KDM1B: variants seen among roughly 807,000 people sequenced by gnomAD.
KDM1B encodes lysine demethylase 1B.
KDM1B carries 63 observed loss-of-function variants against 107.4 expected under a neutral mutation model. The ratio of observed to expected loss-of-function variants is 0.59; its 90% confidence interval spans 0.48 to 0.72. The LOEUF (loss-of-function observed/expected upper bound fraction) is 0.72. Ranked by LOEUF, KDM1B falls within the 30% of genes least tolerant of loss-of-function variation. KDM1B has a pLI of 0.00. For missense variants in KDM1B, 749 were observed against 1,020.8 expected (o/e 0.73, Z 3.63); for synonymous variants, 363 against 363.9 (o/e 1.00, Z 0.03).
Position 18,170,011 on chromosome 6 carries a change from C to T in KDM1B, c.418-1352C>T, listed in dbSNP as rs957552313. On this transcript the variant is annotated intron_variant, in intron 6 of 21. Coordinates refer to ENST00000650836, the MANE Select transcript of KDM1B (RefSeq NM_001364614.2). Reference sequence around the variant, plus strand: ...TGCAACCTCCACCTCCCAGTTCAAGCGATTCTCCTGCCTCAGCCTCCTGAG... The same window carrying T: ...TGCAACCTCCACCTCCCAGTTCAAGTGATTCTCCTGCCTCAGCCTCCTGAG... Among the ~76,000 whole-genome samples the T allele has an allele frequency of 5.3e-5, 8 of 151,408 alleles. No individual in the cohort carries two copies. The East Asian group carries it at 5.9e-4, about 11-fold the overall frequency.
In KDM1B at chr6:18,191,229, T is replaced by C; in HGVS notation, c.817T>C (p.Tyr273His). Reference sequence around the variant, plus strand: ...CATGAACCGATACTTCCAGCCTTTCTACCAGCCCAATGAGTGTGGCAAAGC... The same window carrying C: ...CATGAACCGATACTTCCAGCCTTTCCACCAGCCCAATGAGTGTGGCAAAGC... ...PGMNRYFQPF[Y>H]QPNECGKALC... Residue 273 changes from tyrosine (Y) to histidine (H), a missense_variant, in exon 10 of 22, where the codon TAC becomes CAC. Coordinates refer to ENST00000650836, the MANE Select transcript of KDM1B (RefSeq NM_001364614.2). This position sits in a 1 kb window ranked among gnomAD's most constrained non-coding sequence, Gnocchi z 5.1. The C allele has an allele frequency of 6.4e-7, 1 of 1,550,630 alleles. No homozygotes were observed. Among genetic ancestry groups the C allele is most frequent in the African/African-American group, 1.4e-5 (1 of 73,166 alleles).
intron 2 of KDM1B, among the ~76,000 whole-genome samples, chr6:18,158,323 C>CAAAAAA (rs56971577): frequency 5.0e-4 from 50 of 99,432 alleles, no homozygotes; most frequent in Non-Finnish European, 7.2e-4. Flanking sequence ...GACTCCTTCA[C>CAAAAAA]AAAAAAAAAA....
chr6:18,200,531 T>C lies in KDM1B; in HGVS notation c.1314T>C (p.Ile438=). The part of the protein sequence containing the change: ...KGVTVGRGAQ[I]VNGCINNPVA... ...TCACAGTGGGAAGAGGAGCTCAGATTGTCAATGGGTGTATTAACAACCCAG... is the reference window on the plus strand; with the variant it reads ...TCACAGTGGGAAGAGGAGCTCAGATCGTCAATGGGTGTATTAACAACCCAG... The change falls in exon 13 of 22, where the codon ATT becomes ATC. Residue 438 remains isoleucine (I), a synonymous_variant. Transcript: ENST00000650836. This position sits in a 1 kb window ranked among gnomAD's most constrained non-coding sequence, Gnocchi z 4.3. The C allele has an allele frequency of 6.2e-7, 1 of 1,614,120 alleles. No homozygotes were observed. The highest frequency in any genetic ancestry group is 8.5e-7 in the Non-Finnish European group (1 of 1,179,972).
chr6:18,206,541 C>T (rs1788387196), intron 15 of KDM1B, among the ~76,000 whole-genome samples: 1 of 152,128 alleles, frequency 6.6e-6, no homozygotes. Context: ...AAATCAATCA[C>T]TCCAAAGGAA....
rs1789069364 is a variant in KDM1B at position 18,214,407 on chromosome 6, C to T, written c.2110-600C>T. On this transcript the variant is annotated intron_variant, in intron 19 of 21. Transcript: ENST00000650836. The surrounding 1 kb of genome is among the most constrained non-coding windows in gnomAD (Gnocchi z 4.4). The stretch of plus-strand genomic sequence containing the variant: ...TGTTTTATCTGCAGATTTTCCTTCT[C>T]CATCTCTTTCTACTTCTTCCGAAGC... Among the ~76,000 whole-genome samples, 2 of 152,174 alleles carry T rather than the reference C, an allele frequency of 1.3e-5. No individual in the cohort carries two copies. Among genetic ancestry groups the T allele is most frequent in the South Asian group, 2.1e-4 (1 of 4,832 alleles).
Position 18,212,279 on chromosome 6 carries a change from C to G in KDM1B, c.1867-209C>G, listed in dbSNP as rs73366520. 7,631 of 584,590 alleles carry G rather than the reference C, an allele frequency of 0.013. 222 individuals are homozygous for G. The highest frequency in any genetic ancestry group is 0.088 in the African/African-American group (4,706 of 53,730). The allele number at this position is 584,590 out of a possible 1,614,324, so 36.2% of individuals were successfully genotyped here. A position where few individuals can be genotyped will look rare whatever the true frequency, so the allele number is the denominator to read the frequency against. Reference sequence around the variant, plus strand: ...TCTTCTTATCTAAGATGATTATTCACCATCAGGACGTTTTTTGCCCACTCT... The same window carrying G: ...TCTTCTTATCTAAGATGATTATTCAGCATCAGGACGTTTTTTGCCCACTCT... On this transcript the variant is annotated intron_variant, in intron 17 of 21. Transcript: ENST00000650836. The surrounding 1 kb of genome is among the most constrained non-coding windows in gnomAD (Gnocchi z 5.2).
Position 18,200,620 on chromosome 6 carries a change from A to C in KDM1B, c.1359+44A>C, listed in dbSNP as rs557811495. The stretch of plus-strand genomic sequence containing the variant: ...TGTGTTGTAGATAAAGGAAAGAAAA[A>C]CAGTTTCAATTTGCTTGTGTGCAGT... On this transcript the variant is annotated intron_variant, in intron 13 of 21. Transcript: ENST00000650836. The surrounding 1 kb of genome is among the most constrained non-coding windows in gnomAD (Gnocchi z 4.3). The C allele has an allele frequency of 8.9e-6, 14 of 1,580,454 alleles. No homozygotes were observed. The African/African-American group carries it at 1.6e-4, about 18-fold the overall frequency.
At chr6:18,178,017 C>T (rs1786144319) in intron 7 of KDM1B, among the ~76,000 whole-genome samples, 1 of 152,116 alleles carries the variant, frequency 6.6e-6, no homozygotes, top group African/African-American at 2.4e-5. Context: ...ATCTTTTGTG[C>T]CTTTGTTCAA....
In KDM1B at chr6:18,213,839, T is replaced by C; in HGVS notation, c.2109+58T>C. 6.3e-7 allele frequency: 1 copy of C among 1,580,988 alleles called. No homozygotes were observed. The highest frequency in any genetic ancestry group is 1.1e-5 in the South Asian group (1 of 90,146). The stretch of plus-strand genomic sequence containing the variant: ...CCGTCTTAAAGTTTAGAATTTGATG[T>C]GATAATTACTCACCTATCAAGCTCA... On this transcript the variant is annotated intron_variant, in intron 19 of 21. Coordinates refer to ENST00000650836, the MANE Select transcript of KDM1B (RefSeq NM_001364614.2). This position sits in a 1 kb window ranked among gnomAD's most constrained non-coding sequence, Gnocchi z 5.9.
chr6:18,182,088 G>A (rs1047011003), intron 7 of KDM1B, among the ~76,000 whole-genome samples: 1 of 151,972 alleles, frequency 6.6e-6, no homozygotes, highest in African/African-American at 2.4e-5. Context: ...TTAACATCAA[G>A]CATTTTTTTC....
In KDM1B at chr6:18,172,939, A is replaced by T. The variant is rs913680865; in HGVS notation, c.534+1460A>T. Among the ~76,000 whole-genome samples the T allele has an allele frequency of 5.3e-5, 8 of 151,976 alleles. No homozygotes were observed. The highest frequency in any genetic ancestry group is 5.3e-4 in the Admixed American group (8 of 15,234). Reference sequence around the variant, plus strand: ...ACCCTGTCTCTAGTAAAAATATAAAAATTAGCCCAGTGTGGTGGCATGTGC... The same window carrying T: ...ACCCTGTCTCTAGTAAAAATATAAATATTAGCCCAGTGTGGTGGCATGTGC... On this transcript the variant is annotated intron_variant, in intron 7 of 21. Coordinates refer to ENST00000650836, the MANE Select transcript of KDM1B (RefSeq NM_001364614.2). This position sits in a 1 kb window ranked among gnomAD's most constrained non-coding sequence, Gnocchi z 5.2.
chr6:18,183,785 T>G (rs1582132052), intron 7 of KDM1B, among the ~76,000 whole-genome samples: 1 of 152,180 alleles, frequency 6.6e-6, no homozygotes, highest in African/African-American at 2.4e-5. Context: ...AAGAGTAGTA[T>G]TAGAATTACA....
chr6:18,186,973 TACAC>T lies in KDM1B; in HGVS notation c.574-795_574-792del, dbSNP rs141222425. 6.9e-3 allele frequency among the ~76,000 whole-genome samples: 1,021 copies of T among 147,498 alleles called. 5 individuals are homozygous for T. The highest frequency in any genetic ancestry group is 0.017 in the Middle Eastern group (5 of 292). On this transcript the variant is annotated intron_variant, in intron 8 of 21. Transcript: ENST00000650836. The surrounding 1 kb of genome is among the most constrained non-coding windows in gnomAD (Gnocchi z 5.6). The stretch of plus-strand genomic sequence containing the variant: ...CAGTATGTATATATGTGTGTGTGTG[TACAC>T]ACACACACACACACACACACACATT...
chr6:18,221,823 G>C lies in KDM1B; in HGVS notation c.2386-86G>C, dbSNP rs1033012160. On this transcript the variant is annotated intron_variant, in intron 21 of 21. Coordinates refer to ENST00000650836, the MANE Select transcript of KDM1B (RefSeq NM_001364614.2). The stretch of plus-strand genomic sequence containing the variant: ...AGGAGTGGCACAAATCTTTATGTTA[G>C]ACCAGATAAAGTCTAACCTTGTTTT... 3 of 1,059,888 alleles carry C rather than the reference G, an allele frequency of 2.8e-6. No individual in the cohort carries two copies. The African/African-American group carries it at 4.8e-5, about 17-fold the overall frequency. 65.7% of individuals were successfully genotyped at this position (1,059,888 alleles called of 1,614,324 possible). A position where few individuals can be genotyped will look rare whatever the true frequency, so the allele number is the denominator to read the frequency against.
chr6:18,177,304 T>C (rs1044709807), intron 7 of KDM1B, among the ~76,000 whole-genome samples: 24 of 152,098 alleles, frequency 1.6e-4, no homozygotes, highest in Non-Finnish European at 3.4e-4. Flanking sequence ...GTGGTGTCAG[T>C]TGTAATATCT....
chr6:18,207,551 G>A, intron 16 of KDM1B, 22 bp downstream of exon 16: 1 of 1,613,388 alleles, frequency 6.2e-7, no homozygotes, highest in Non-Finnish European at 8.5e-7. Context: ...CTGCTGGGAG[G>A]CTCTGGCTCG....
Position 18,214,469 on chromosome 6 carries a change from G to C in KDM1B, c.2110-538G>C, listed in dbSNP as rs916554814. ...AGTGAACAGCCAAGGGAACCTTAAAGTTGCTATTTACATTTCTTAGTGTTT... is the reference window on the plus strand; with the variant it reads ...AGTGAACAGCCAAGGGAACCTTAAACTTGCTATTTACATTTCTTAGTGTTT... On this transcript the variant is annotated intron_variant, in intron 19 of 21. Coordinates refer to ENST00000650836, the MANE Select transcript of KDM1B (RefSeq NM_001364614.2). This position sits in a 1 kb window ranked among gnomAD's most constrained non-coding sequence, Gnocchi z 4.4. 6.6e-6 allele frequency among the ~76,000 whole-genome samples: 1 copy of C among 152,186 alleles called. No individual in the cohort carries two copies. The highest frequency in any genetic ancestry group is 1.5e-5 in the Non-Finnish European group (1 of 68,028).
At chr6:18,187,392 C>A (rs911515323) in intron 8 of KDM1B, among the ~76,000 whole-genome samples, 5 of 152,032 alleles carry the variant, frequency 3.3e-5, no homozygotes, top group African/African-American at 1.2e-4. Context: ...ATCTTGAGGT[C>A]CTAAGTTAAA....
rs1466496990 is a variant in KDM1B at position 18,197,943 on chromosome 6, T to G, written c.1221+282T>G. On this transcript the variant is annotated intron_variant, in intron 12 of 21. Transcript: ENST00000650836. The surrounding 1 kb of genome is among the most constrained non-coding windows in gnomAD (Gnocchi z 4.5). Reference sequence around the variant, plus strand: ...AGAAATTCTTTTTTTTTTTTTTTTTTGAGACAGAGTCTTGCTCTGTCGCCC... The same window carrying G: ...AGAAATTCTTTTTTTTTTTTTTTTTGGAGACAGAGTCTTGCTCTGTCGCCC... Among the ~76,000 whole-genome samples the G allele has an allele frequency of 6.7e-6, 1 of 148,788 alleles. No individual in the cohort carries two copies. The highest frequency in any genetic ancestry group is 1.5e-5 in the Non-Finnish European group (1 of 67,652).
Sources: allele counts gnomAD v4.1 joint callset (sites outside exome capture counted in the v4.1 genomes callset), GRCh38; gene constraint gnomAD v4.1.1; non-coding constraint Gnocchi (gnomAD v3.1); transcripts MANE v1.5; gene names NCBI Gene and HGNC (gene_info 2026-07-23, HGNC 2026-07-21).